Variants in FNTB observed in about 807,000 individuals in gnomAD.
The protein encoded by FNTB is farnesyltransferase, CAAX box, subunit beta.
Under a neutral mutation model 59.4 loss-of-function variants are expected in FNTB, and 27 were observed. The ratio of observed to expected loss-of-function variants is 0.45; its 90% confidence interval spans 0.34 to 0.63. The LOEUF (loss-of-function observed/expected upper bound fraction) is 0.63, where lower values mean the gene tolerates loss of function less well. Ranked by LOEUF, FNTB falls within the 20% of genes least tolerant of loss-of-function variation. The probability of loss-of-function intolerance (pLI) is 0.02; values close to 1 mark genes in which losing one functional copy is unlikely to be tolerated. For synonymous variants in FNTB, 230 were observed against 220.7 expected (o/e 1.04, Z -0.37); for missense variants, 449 against 559.6 (o/e 0.80, Z 1.99).
rs547557947 is a variant in FNTB, at chr14:64,993,936, ACCT to A, written c.144+6842_144+6844del. Among the ~76,000 whole-genome samples, 59 of 151,656 alleles carry A rather than the reference ACCT, an allele frequency of 3.9e-4. No homozygotes were observed. In the South Asian group the frequency reaches 6.0e-3, roughly 15 times the overall value. On this transcript the variant is annotated intron_variant, in intron 1 of 11. Transcript: ENST00000246166. The stretch of plus-strand genomic sequence containing the variant: ...AGTGGTGCGATCTCCACTCACCGTA[ACCT>A]CCGCCTCCTGGGTTCAAGCGATTCT...
chr14:65,045,428 G>A (rs1419696266), intron 9 of FNTB, among the ~76,000 whole-genome samples: 7 of 17,848 alleles, frequency 3.9e-4, no homozygotes, highest in Non-Finnish European at 6.0e-4. Flanking sequence ...CCTCCCCGCC[G>A]CCCCCGAGAT....
In FNTB at chr14:65,010,581, C is replaced by T. The variant is rs575357223; in HGVS notation, c.210-1736C>T. Among the ~76,000 whole-genome samples, 327 of 152,266 alleles carry T rather than the reference C, an allele frequency of 2.1e-3. 1 individual carries two copies. Among genetic ancestry groups the T allele is most frequent in the Non-Finnish European group, 3.5e-3 (240 of 68,018 alleles). On this transcript the variant is annotated intron_variant, in intron 2 of 11. Transcript: ENST00000246166. Reference sequence around the variant, plus strand: ...CCCCACCCCATCTGTCTGCCCACTGCGATATTTTCAGATACTTCAGTTTGT... The same window carrying T: ...CCCCACCCCATCTGTCTGCCCACTGTGATATTTTCAGATACTTCAGTTTGT...
At chr14:65,002,550 G>A (rs956468867) in intron 1 of FNTB, among the ~76,000 whole-genome samples, 11 of 152,060 alleles carry the variant, frequency 7.2e-5, no homozygotes, top group South Asian at 2.1e-4. Flanking sequence ...TGGAGGTTGC[G>A]GTGAGCCGAG....
chr14:65,005,406 G>C (rs1307715502), intron 2 of FNTB, among the ~76,000 whole-genome samples: 1 of 151,828 alleles, frequency 6.6e-6, no homozygotes, highest in East Asian at 1.9e-4. Context: ...AAACTGTGTG[G>C]TCACCATTTT....
intron 11 of FNTB, among the ~76,000 whole-genome samples, chr14:65,060,747 C>A (rs2062845437): frequency 6.8e-6 from 1 of 147,652 alleles, no homozygotes; most frequent in South Asian, 2.2e-4. Flanking sequence ...GTGGCTCACA[C>A]CTGTAATCCC....
chr14:65,043,312 G>A (rs537458480), intron 8 of FNTB, among the ~76,000 whole-genome samples: 133 of 152,312 alleles, frequency 8.7e-4, no homozygotes, highest in South Asian at 2.1e-4. Context: ...TGGTGGTATC[G>A]TGTGTGACCG....
In FNTB at chr14:65,030,579, A is replaced by G. The variant is rs538431313; in HGVS notation, c.606-2031A>G. Among the ~76,000 whole-genome samples the G allele has an allele frequency of 6.6e-5, 10 of 152,128 alleles. No individual in the cohort carries two copies. In the South Asian group the frequency reaches 2.1e-3, roughly 32 times the overall value. ...CACAGCAAGACCCTGTCTCTACAAAAAATTTTTAAAAAATTAGCCAGGTGT... is the reference window on the plus strand; with the variant it reads ...CACAGCAAGACCCTGTCTCTACAAAGAATTTTTAAAAAATTAGCCAGGTGT... On this transcript the variant is annotated intron_variant, in intron 6 of 11. Transcript: ENST00000246166. This position sits in a 1 kb window ranked among gnomAD's most constrained non-coding sequence, Gnocchi z 4.5.
In FNTB at chr14:65,062,040, T is replaced by C. The variant is rs1381506770; in HGVS notation, c.*728T>C. ...TTATGAGTGGAAAGTGACCCTCTAG[T>C]TCAACTGTGCCAGAGGAAACAGCCC... is the stretch of plus-strand genomic sequence containing the variant. On this transcript the variant is annotated 3_prime_UTR_variant, in exon 12 of 12. Transcript: ENST00000246166. The surrounding 1 kb of genome is among the most constrained non-coding windows in gnomAD (Gnocchi z 4.3). The C allele has an allele frequency of 6.6e-6, 1 of 152,646 alleles. No homozygotes were observed. Among genetic ancestry groups the C allele is most frequent in the Non-Finnish European group, 1.5e-5 (1 of 68,392 alleles). The allele number at this position is 152,646 out of a possible 1,614,324, so 9.5% of individuals were successfully genotyped here. A position where few individuals can be genotyped will look rare whatever the true frequency, so the allele number is the denominator to read the frequency against.
rs761928445 is a variant in FNTB at position 65,027,771 on chromosome 14, G to C, written c.595G>C (p.Val199Leu). Residue 199 changes from valine to leucine, a missense_variant, in exon 6 of 12, where the codon GTG (valine) becomes CTG (leucine). Val to Leu is a conservative substitution (Grantham distance 32). Coordinates refer to ENST00000246166, the MANE Select transcript of FNTB (RefSeq NM_002028.4). The surrounding 1 kb of genome is among the most constrained non-coding windows in gnomAD (Gnocchi z 5.7). The stretch of plus-strand genomic sequence containing the variant: ...CTTTCTCATGCATGTCGGAGGTGAG[G>C]TGGATGTGAGGTGAGTGGGGTTTTG... ...GSFLMHVGGE[V>L]DVRSAYCAAS... is the part of the protein sequence containing the mutation. The C allele has an allele frequency of 2.5e-6, 4 of 1,614,138 alleles. No individual in the cohort carries two copies. The South Asian group carries it at 3.3e-5, about 13-fold the overall frequency.
At chr14:65,026,365 C>T (rs2061980795) in intron 4 of FNTB, among the ~76,000 whole-genome samples, 1 of 152,158 alleles carries the variant, frequency 6.6e-6, no homozygotes, top group East Asian at 1.9e-4. Context: ...TGGAGGCAAA[C>T]CCTCAGAAAA....
intron 8 of FNTB, among the ~76,000 whole-genome samples, chr14:65,041,488 AAC>A (rs1288111826): frequency 6.6e-6 from 1 of 152,124 alleles, no homozygotes; most frequent in Non-Finnish European, 1.5e-5. Flanking sequence ...TGGGTGCACA[AAC>A]ACACACACCT....
At chr14:65,058,230 TA>T (rs2062784421) in intron 11 of FNTB, among the ~76,000 whole-genome samples, 1 of 151,846 alleles carries the variant, frequency 6.6e-6, no homozygotes, top group Admixed American at 6.5e-5. Flanking sequence ...GTGTTTTTTT[TA>T]TAATTTTTTC....
chr14:65,002,631 A>T (rs2061535874), intron 1 of FNTB, among the ~76,000 whole-genome samples: 2 of 152,164 alleles, frequency 1.3e-5, no homozygotes, highest in East Asian at 1.9e-4. Context: ...TAAAATAAAA[A>T]AAAAGAAAGA....
intron 2 of FNTB, among the ~76,000 whole-genome samples, chr14:65,005,523 T>TTCTC: frequency 1.4e-5 from 1 of 72,876 alleles, no homozygotes; most frequent in Admixed American, 1.6e-4. Context: ...CTCTCTCTCT[T>TTCTC]TCTCTTTCTC....
In FNTB at chr14:65,035,626, C is replaced by G. The variant is rs147569257; in HGVS notation, c.692+2930C>G. Among the ~76,000 whole-genome samples the G allele has an allele frequency of 6.8e-4, 104 of 152,106 alleles. No individual in the cohort carries two copies. The South Asian group carries it at 0.012, about 17-fold the overall frequency. On this transcript the variant is annotated intron_variant, in intron 7 of 11. Coordinates refer to ENST00000246166, the MANE Select transcript of FNTB (RefSeq NM_002028.4). Reference sequence around the variant, plus strand: ...CTCGCTGCAGCCACCACCTCCTGGGCTCAAGCAATCCTCCCATCTCAACCT... The same window carrying G: ...CTCGCTGCAGCCACCACCTCCTGGGGTCAAGCAATCCTCCCATCTCAACCT...
In FNTB at chr14:65,061,172, T is replaced by C. The variant is rs2062858722; in HGVS notation, c.1183-9T>C. 3 of 1,613,838 alleles carry C rather than the reference T, an allele frequency of 1.9e-6. No individual in the cohort carries two copies. The highest frequency in any genetic ancestry group is 2.5e-6 in the Non-Finnish European group (3 of 1,179,804). On this transcript the variant is annotated splice_polypyrimidine_tract_variant and intron_variant, in intron 11 of 11. Coordinates refer to ENST00000246166, the MANE Select transcript of FNTB (RefSeq NM_002028.4). Reference sequence around the variant, plus strand: ...GGTGATTAACTGGCACCTTTTCTTCTCTTTGCAGCAGCCCACTCACCCAGT... The same window carrying C: ...GGTGATTAACTGGCACCTTTTCTTCCCTTTGCAGCAGCCCACTCACCCAGT...
At position 65,027,355 on chromosome 14, in the gene FNTB, G is replaced by C. The variant is rs2062001849; in HGVS notation, c.375-98G>C. ...GAGGTTCCCCTCAACTTTTGAGGGAGTGGGGGATCATTGGAAAGGCCTGGA... is the reference window on the plus strand; with the variant it reads ...GAGGTTCCCCTCAACTTTTGAGGGACTGGGGGATCATTGGAAAGGCCTGGA... On this transcript the variant is annotated intron_variant, in intron 4 of 11. Coordinates refer to ENST00000246166, the MANE Select transcript of FNTB (RefSeq NM_002028.4). This position sits in a 1 kb window ranked among gnomAD's most constrained non-coding sequence, Gnocchi z 5.7. 1.9e-6 allele frequency: 3 copies of C among 1,556,474 alleles called. No homozygotes were observed. The highest frequency in any genetic ancestry group is 3.6e-5 in the Admixed American group (2 of 55,260).
chr14:65,053,842 C>T (rs1273047127), intron 10 of FNTB, among the ~76,000 whole-genome samples: 2 of 152,154 alleles, frequency 1.3e-5, no homozygotes, highest in African/African-American at 2.4e-5. Flanking sequence ...TCCCAGCACA[C>T]GTCCTGCTGC....
At chr14:64,999,118 A>G (rs548458728) in intron 1 of FNTB, among the ~76,000 whole-genome samples, 2 of 152,356 alleles carry the variant, frequency 1.3e-5, no homozygotes, top group Middle Eastern at 3.4e-3. Context: ...ATACAATTCC[A>G]AACAGGTAAA....
Sources: allele counts gnomAD v4.1 joint callset (sites outside exome capture counted in the v4.1 genomes callset), GRCh38; gene constraint gnomAD v4.1.1; non-coding constraint Gnocchi (gnomAD v3.1); transcripts MANE v1.5; gene names NCBI Gene and HGNC (gene_info 2026-07-23, HGNC 2026-07-21).